Variants in OBI1 observed in about 807,000 individuals in gnomAD.
The protein encoded by OBI1 is ORC ubiquitin ligase 1, also known as ring finger protein 219.
OBI1 carries 59 observed loss-of-function variants against 62.4 expected under a neutral mutation model. The ratio of observed to expected loss-of-function variants is 0.95; its 90% CI spans 0.77 to 1.17. The LOEUF (loss-of-function observed/expected upper bound fraction) is 1.17, where lower values mean the gene tolerates loss of function less well. Among genes scored for constraint, OBI1 ranks in the 50% most tolerant of loss-of-function variants. The pLI is 0.00. For synonymous variants in OBI1, 302 were observed against 292.8 expected (o/e 1.03, Z -0.32); for missense variants, 875 against 830.9 (o/e 1.05, Z -0.65).
chr13:78,616,040 C>T lies in OBI1; in HGVS notation c.1721G>A (p.Ser574Asn). 1 of 1,614,160 alleles carries T rather than the reference C, an allele frequency of 6.2e-7. No homozygotes were observed. Among genetic ancestry groups the T allele is most frequent in the South Asian group, 1.1e-5 (1 of 91,086 alleles). ...CTTATCAGGTTCCTCAAGAAATTCACTGCCTTGAGATGACTTTGATAACCC... is the reference window on the plus strand; with the variant it reads ...CTTATCAGGTTCCTCAAGAAATTCATTGCCTTGAGATGACTTTGATAACCC... Reference protein sequence around the residue: ...LDGLSKSSQGSEFLEEPDKLE... With the variant: ...LDGLSKSSQGNEFLEEPDKLE... The change falls in exon 6 of 6, where the codon AGT (serine) becomes AAT (asparagine). Residue 574 changes from serine (S) to asparagine (N), a missense_variant. By Grantham distance (46) the Ser-to-Asn change is conservative. Coordinates refer to ENST00000282003, the MANE Select transcript of OBI1 (RefSeq NM_024546.4).
In OBI1 at chr13:78,616,823, G is replaced by A. The variant is rs374876201; in HGVS notation, c.938C>T (p.Ala313Val). 12 of 1,614,010 alleles carry A rather than the reference G, an allele frequency of 7.4e-6. No homozygotes were observed. Among genetic ancestry groups the A allele is most frequent in the South Asian group, 6.6e-5 (6 of 91,078 alleles). Residue 313 changes from alanine (A) to valine (V), a missense_variant, in exon 6 of 6, where the codon GCG (alanine) becomes GTG (valine). Transcript: ENST00000282003. ...ACACAGTCTGCTGCTGGAAGGCTTC[G>A]CTAGGTGAGAAGAACTGGAGGTGGA... ...GSSTSSSSHLAKPSSSRLCDT... is the reference protein window; with the variant it reads ...GSSTSSSSHLVKPSSSRLCDT...
At chr13:78,627,849 CATTTT>C (rs1197220809) in intron 5 of OBI1, among the ~76,000 whole-genome samples, 4 of 152,182 alleles carry the variant, frequency 2.6e-5, no homozygotes, top group African/African-American at 9.7e-5. Context: ...AACGCACCCT[CATTTT>C]ATGTTAAAAA....
In OBI1 at chr13:78,616,647, G is replaced by A; in HGVS notation, c.1114C>T (p.Pro372Ser). 1 of 1,614,072 alleles carries A rather than the reference G, an allele frequency of 6.2e-7. No individual in the cohort carries two copies. Among genetic ancestry groups the A allele is most frequent in the Non-Finnish European group, 8.5e-7 (1 of 1,179,958 alleles). ...TYLEREWGNK[P>S]SDCVPYKDEE... ...TCTTTGTAGGGTACACAGTCACTTG[G>A]TTTATTCCCCCATTCTCTTTCCAAA... The change falls in exon 6 of 6, where the codon CCA (proline) becomes TCA (serine). Residue 372 changes from proline to serine, a missense_variant. Pro to Ser is a moderately conservative substitution (Grantham distance 74). Coordinates refer to ENST00000282003, the MANE Select transcript of OBI1 (RefSeq NM_024546.4).
chr13:78,634,340 G>C (rs888087082), intron 5 of OBI1, among the ~76,000 whole-genome samples: 4 of 151,608 alleles, frequency 2.6e-5, no homozygotes, highest in Admixed American at 2.0e-4. Context: ...TGTCATCCAG[G>C]CTGGAGTGCA....
chr13:78,640,100 A>G (rs981669761), intron 3 of OBI1, among the ~76,000 whole-genome samples: 1 of 152,188 alleles, frequency 6.6e-6, no homozygotes, highest in African/African-American at 2.4e-5. Context: ...AGTAGATTCC[A>G]TTTCAAAAAA....
rs539922049 is a variant in OBI1, at chr13:78,658,749, C to T, written c.72+300G>A. 8.9e-4 allele frequency among the ~76,000 whole-genome samples: 135 copies of T among 152,300 alleles called. 1 individual carries two copies. Among genetic ancestry groups the T allele is most frequent in the Admixed American group, 4.8e-3 (73 of 15,312 alleles). On this transcript the variant is annotated intron_variant, in intron 1 of 5. Coordinates refer to ENST00000282003, the MANE Select transcript of OBI1 (RefSeq NM_024546.4). Reference sequence around the variant, plus strand: ...TGCGATGCGTTTCTGATGGGGCCTCCTTCGAGGCCGGTGTCTTGCCAGTGT... The same window carrying T: ...TGCGATGCGTTTCTGATGGGGCCTCTTTCGAGGCCGGTGTCTTGCCAGTGT...
intron 1 of OBI1, among the ~76,000 whole-genome samples, chr13:78,654,254 T>TG (rs1229689663): frequency 1.3e-5 from 2 of 152,224 alleles, no homozygotes; most frequent in African/African-American, 4.8e-5. Flanking sequence ...GATTTTTGAA[T>TG]TAACTTATTA....
At chr13:78,657,281 C>G (rs1332414945) in intron 1 of OBI1, among the ~76,000 whole-genome samples, 1 of 130,996 alleles carries the variant, frequency 7.6e-6, no homozygotes, top group Non-Finnish European at 1.6e-5. Flanking sequence ...TAAAGTTAAC[C>G]AATACAGGAA....
In OBI1 at chr13:78,644,852, A is replaced by AGGCCC. The variant is rs1451756223; in HGVS notation, c.208+5_208+9dup. 6.2e-7 allele frequency: 1 copy of AGGCCC among 1,612,914 alleles called. No individual in the cohort carries two copies. The highest frequency in any genetic ancestry group is 1.1e-5 in the South Asian group (1 of 91,066). The stretch of plus-strand genomic sequence containing the variant: ...ACCTATTCCTATGCATATATAAAAC[A>AGGCCC]GGCCCTTACCTATAATTTCTTTGCA... On this transcript the variant is annotated intron_variant, in intron 2 of 5. Transcript: ENST00000282003.
chr13:78,644,517 A>G (rs1041600058), intron 2 of OBI1, among the ~76,000 whole-genome samples: 1 of 151,726 alleles, frequency 6.6e-6, no homozygotes, highest in Non-Finnish European at 1.5e-5. Flanking sequence ...GTCCAGCTTA[A>G]AGGCCACCTA....
intron 5 of OBI1, among the ~76,000 whole-genome samples, chr13:78,624,159 G>T (rs1875597139): frequency 6.6e-6 from 1 of 152,092 alleles, no homozygotes. Context: ...CATCACATGG[G>T]TTATTTCTCA....
intron 1 of OBI1, among the ~76,000 whole-genome samples, chr13:78,656,729 TGGGG>T (rs397851744): frequency 9.7e-5 from 2 of 20,574 alleles, no homozygotes; most frequent in Non-Finnish European, 1.8e-4. Context: ...CCATGGTACC[TGGGG>T]GGGGGGGGGG....
At chr13:78,629,193 A>C (rs1421226510) in intron 5 of OBI1, among the ~76,000 whole-genome samples, 1 of 152,106 alleles carries the variant, frequency 6.6e-6, no homozygotes, top group African/African-American at 2.4e-5. Context: ...CTTGTCCATA[A>C]TGACAAGCCT....
rs767309916 is a variant in OBI1, at chr13:78,638,930, T to C, written c.442A>G (p.Asn148Asp). ...GTTTCTGGGTTAATTTTACTTGGATTATCTGTGACTAGATGTTTGTCTTCA... is the reference window on the plus strand; with the variant it reads ...GTTTCTGGGTTAATTTTACTTGGATCATCTGTGACTAGATGTTTGTCTTCA... ...QNEDKHLVTDNPSKINPETVA... is the reference protein window; with the variant it reads ...QNEDKHLVTDDPSKINPETVA... Residue 148 changes from asparagine to aspartate, a missense_variant, in exon 4 of 6, where the codon AAT (asparagine) becomes GAT (aspartate). Asn to Asp is a conservative substitution (Grantham distance 23, BLOSUM62 1). Transcript: ENST00000282003. The C allele has an allele frequency of 5.6e-6, 9 of 1,614,054 alleles. No individual in the cohort carries two copies. The highest frequency in any genetic ancestry group is 1.7e-5 in the Admixed American group (1 of 60,026).
At chr13:78,656,674 C>T (rs1261970814) in intron 1 of OBI1, among the ~76,000 whole-genome samples, 1 of 126,110 alleles carries the variant, frequency 7.9e-6, no homozygotes, top group East Asian at 2.3e-4. Flanking sequence ...ACCCGGCTAG[C>T]CTGAATGTAG....
Position 78,659,150 on chromosome 13 carries a change from A to T in OBI1, c.-30T>A. 1 of 1,602,598 alleles carries T rather than the reference A, an allele frequency of 6.2e-7. No individual in the cohort carries two copies. Among genetic ancestry groups the T allele is most frequent in the Non-Finnish European group, 8.5e-7 (1 of 1,173,516 alleles). On this transcript the variant is annotated 5_prime_UTR_variant, in exon 1 of 6. Transcript: ENST00000282003. ...GCGTTCAGAATCCCGCCAACACGGA[A>T]GTCCCGCCGACCTACCGCTACTCTT...
intron 5 of OBI1, among the ~76,000 whole-genome samples, chr13:78,628,461 T>C (rs769180605): frequency 6.6e-6 from 1 of 152,206 alleles, no homozygotes; most frequent in African/African-American, 2.4e-5. Flanking sequence ...CATCTGAGGA[T>C]TGAAGGAGAC....
intron 5 of OBI1, among the ~76,000 whole-genome samples, chr13:78,626,414 A>AT (rs549584276): frequency 4.6e-4 from 70 of 152,376 alleles, no homozygotes; most frequent in African/African-American, 1.6e-3. Flanking sequence ...GAGCTGCCAG[A>AT]TTAACTGGGT....
intron 5 of OBI1, among the ~76,000 whole-genome samples, chr13:78,622,015 AC>A (rs1275244678): frequency 1.3e-5 from 2 of 152,252 alleles, no homozygotes; most frequent in Non-Finnish European, 1.5e-5. Context: ...TTCAAATTGT[AC>A]TACATAAATA....
Sources: allele counts gnomAD v4.1 joint callset (sites outside exome capture counted in the v4.1 genomes callset), GRCh38; gene constraint gnomAD v4.1.1; transcripts MANE v1.5; gene names NCBI Gene and HGNC (gene_info 2026-07-23, HGNC 2026-07-21).